Variants in PKHD1 observed in about 807,000 individuals in gnomAD.
PKHD1 encodes fibrocystin.
A neutral mutation model predicts 412.0 loss-of-function variants in PKHD1; 291 were observed. The observed-to-expected ratio is 0.71, with a 90% CI of 0.64 to 0.78. The LOEUF is 0.78. Ranked by LOEUF, PKHD1 falls within the 30% of genes least tolerant of loss-of-function variation. The probability of loss-of-function intolerance (pLI) is 0.00; values close to 1 mark genes in which losing one functional copy is unlikely to be tolerated. For synonymous variants in PKHD1, 1,777 were observed against 1,821.5 expected (o/e 0.98, Z 0.62); for missense variants, 4,825 against 4,950.7 (o/e 0.97, Z 0.76).
intron 20 of PKHD1, among the ~76,000 whole-genome samples, chr6:52,053,768 G>T (rs1807261981): frequency 6.6e-6 from 1 of 152,180 alleles, no homozygotes; most frequent in African/African-American, 2.4e-5. Flanking sequence ...TCATGTCAAA[G>T]AATGTTCTCT....
chr6:51,801,983 A>G (rs1763003134), intron 52 of PKHD1, among the ~76,000 whole-genome samples: 1 of 152,214 alleles, frequency 6.6e-6, no homozygotes, highest in Non-Finnish European at 1.5e-5. Context: ...AAAATTACCA[A>G]CTGTATCAGA....
intron 36 of PKHD1, among the ~76,000 whole-genome samples, chr6:51,939,032 G>A (rs1787997687): frequency 6.6e-6 from 1 of 151,504 alleles, no homozygotes; most frequent in Admixed American, 6.6e-5. Flanking sequence ...GTCTTCCCTT[G>A]GTGTTTAATC....
chr6:51,963,232 C>T (rs887168101), intron 35 of PKHD1, among the ~76,000 whole-genome samples: 5 of 152,164 alleles, frequency 3.3e-5, no homozygotes, highest in Admixed American at 3.3e-4. Flanking sequence ...TTAATTGGAA[C>T]CTGAGACTCA....
chr6:52,058,681 G>T, intron 15 of PKHD1, 80 bp from the exon 16 acceptor site: 1 of 1,389,464 alleles, frequency 7.2e-7, no homozygotes, highest in African/African-American at 1.4e-5. Flanking sequence ...TGTCTGAACT[G>T]CTACTATCAA....
chr6:51,782,547 C>G (rs1309026344), intron 53 of PKHD1, among the ~76,000 whole-genome samples: 1 of 152,064 alleles, frequency 6.6e-6, no homozygotes, highest in Non-Finnish European at 1.5e-5. Flanking sequence ...AAAGTCACAT[C>G]CCTTTTATGT....
intron 33 of PKHD1, among the ~76,000 whole-genome samples, chr6:52,021,907 C>T (rs1801452915): frequency 6.6e-6 from 1 of 152,080 alleles, no homozygotes. Flanking sequence ...AGCCCACATT[C>T]AAGTTGCAGA....
chr6:51,765,311 A>G (rs978688839), intron 55 of PKHD1, among the ~76,000 whole-genome samples: 1 of 151,636 alleles, frequency 6.6e-6, no homozygotes, highest in Admixed American at 6.6e-5. Context: ...TCCACAATCC[A>G]TCATCTACAC....
intron 2 of PKHD1, 52 bp from the exon 3 acceptor site, chr6:52,083,307 T>A: frequency 9.1e-7 from 1 of 1,100,058 alleles, no homozygotes; most frequent in African/African-American, 1.5e-5. Flanking sequence ...TTCAAACCAC[T>A]ACCTTCTGCA....
chr6:51,687,788 C>T (rs151221731), intron 60 of PKHD1, among the ~76,000 whole-genome samples: 9 of 152,276 alleles, frequency 5.9e-5, no homozygotes, highest in Admixed American at 2.0e-4. Context: ...GGTAATAAAA[C>T]TAATGTTTCT....
At chr6:51,928,148 C>G (rs893240706) in intron 37 of PKHD1, among the ~76,000 whole-genome samples, 1 of 152,174 alleles carries the variant, frequency 6.6e-6, no homozygotes, top group African/African-American at 2.4e-5. Context: ...AGTGAGGGAG[C>G]AGACCCTACC....
rs150876665 is a variant in PKHD1 at position 51,619,327 on chromosome 6, C to A, written c.11979G>T (p.Leu3993=). 1.2e-6 allele frequency: 2 copies of A among 1,614,238 alleles called. No individual in the cohort carries two copies. The highest frequency in any genetic ancestry group is 1.7e-6 in the Non-Finnish European group (2 of 1,180,044). Residue 3993 remains leucine (L), a synonymous_variant, in exon 67 of 67, where the codon CTG becomes CTT. Coordinates refer to ENST00000371117, the MANE Select transcript of PKHD1 (RefSeq NM_138694.4). The part of the protein sequence containing the change: ...APGAPAQQVY[L]QETGNWKEGQ... Reference sequence around the variant, plus strand: ...CCTCCTTCCAGTTCCCAGTCTCTTGCAGGTACACCTGCTGAGCAGGAGCAC... The same window carrying A: ...CCTCCTTCCAGTTCCCAGTCTCTTGAAGGTACACCTGCTGAGCAGGAGCAC...
At chr6:52,079,306 A>G (rs960779537) in intron 5 of PKHD1, among the ~76,000 whole-genome samples, 2 of 152,214 alleles carry the variant, frequency 1.3e-5, no homozygotes, top group Non-Finnish European at 2.9e-5. Flanking sequence ...CTCCCTGAGC[A>G]TGAAGGAGAA....
At chr6:51,623,952 A>G (rs1766938777) in intron 66 of PKHD1, among the ~76,000 whole-genome samples, 1 of 152,184 alleles carries the variant, frequency 6.6e-6, no homozygotes, top group African/African-American at 2.4e-5. Context: ...TATGGTAAGA[A>G]TGACTTATGT....
chr6:51,751,502 GA>G (rs1257462412), intron 57 of PKHD1, among the ~76,000 whole-genome samples: 1 of 152,116 alleles, frequency 6.6e-6, no homozygotes, highest in Non-Finnish European at 1.5e-5. Context: ...GCTATTAATG[GA>G]AGAAAATTGA....
Position 51,867,881 on chromosome 6 carries a change from T to C in PKHD1, c.7715A>G (p.His2572Arg). 6.2e-7 allele frequency: 1 copy of C among 1,613,314 alleles called. No homozygotes were observed. Among genetic ancestry groups the C allele is most frequent in the Non-Finnish European group, 8.5e-7 (1 of 1,179,440 alleles). Residue 2572 changes from histidine (H) to arginine (R), a missense_variant, in exon 48 of 67, where the codon CAT (histidine) becomes CGT (arginine). Transcript: ENST00000371117. ...GSACGGGVLF[H>R]RMSIGLANTP... ...CACTTACAAACCAATAGACATACGA[T>C]GAAAAAGAACACCTCCTCCACAGGC...
At chr6:51,906,468 T>G (rs1782112578) in intron 40 of PKHD1, 128 bp from the exon 41 acceptor site, 1 of 757,686 alleles carries the variant, frequency 1.3e-6, no homozygotes, top group Non-Finnish European at 2.3e-6. Context: ...AGATAAGAAG[T>G]TAGAAGCAGC....
At chr6:51,872,720 A>C (rs891335208) in intron 46 of PKHD1, among the ~76,000 whole-genome samples, 2 of 152,068 alleles carry the variant, frequency 1.3e-5, no homozygotes, top group Admixed American at 6.6e-5. Flanking sequence ...TCTTAAAACT[A>C]TTCAGCCTCA....
chr6:51,819,177 TAA>T (rs1190491449), intron 52 of PKHD1, among the ~76,000 whole-genome samples: 1 of 152,160 alleles, frequency 6.6e-6, no homozygotes, highest in Non-Finnish European at 1.5e-5. Context: ...GCTCTGTGAA[TAA>T]AAGTGTTACA....
At chr6:51,894,440 C>T (rs34610734) in intron 43 of PKHD1, among the ~76,000 whole-genome samples, 14,016 of 152,168 alleles carry the variant, frequency 0.092, 1,029 homozygotes, top group African/African-American at 0.2. Flanking sequence ...CACCTGTGAA[C>T]ATCAAAACTA....
Sources: gnomAD v4.1 joint callset for allele counts (sites outside exome capture counted in the v4.1 genomes callset) on GRCh38, gnomAD v4.1.1 for gene constraint, MANE v1.5 for transcripts, NCBI Gene and HGNC (gene_info 2026-07-23, HGNC 2026-07-21) for gene names.